Variants in LRBA observed in about 807,000 individuals in gnomAD.
LRBA encodes the protein LPS responsive beige-like anchor protein.
A neutral mutation model predicts 330.0 loss-of-function variants in LRBA; 176 were observed. The observed-to-expected ratio is 0.53, with a 90% confidence interval of 0.47 to 0.60. LRBA has a LOEUF of 0.60. Ranked by LOEUF, LRBA falls within the 20% of genes least tolerant of loss-of-function variation. The pLI, the probability that LRBA is intolerant of heterozygous loss-of-function variation, is 0.00. For synonymous variants in LRBA, 1,230 were observed against 1,193.0 expected (o/e 1.03, Z -0.64); for missense variants, 3,259 against 3,444.8 (o/e 0.95, Z 1.35).
At chr4:150,696,189 A>G (rs1784604118) in intron 36 of LRBA, among the ~76,000 whole-genome samples, 1 of 152,230 alleles carries the variant, frequency 6.6e-6, no homozygotes, top group Admixed American at 6.5e-5. Context: ...TAATCAGGCC[A>G]CTGCATTCCT....
At chr4:150,817,960 A>G (rs566632998) in intron 30 of LRBA, among the ~76,000 whole-genome samples, 1 of 152,236 alleles carries the variant, frequency 6.6e-6, no homozygotes, top group East Asian at 1.9e-4. Flanking sequence ...TCAGTTAATG[A>G]GGTAAAGAGG....
At chr4:150,510,829 C>A (rs778290770) in intron 40 of LRBA, among the ~76,000 whole-genome samples, 11 of 151,948 alleles carry the variant, frequency 7.2e-5, no homozygotes, top group African/African-American at 2.2e-4. Flanking sequence ...CTCTCAAATT[C>A]TTTTATTTTT....
chr4:151,009,368 G>C (rs560630632), intron 2 of LRBA, among the ~76,000 whole-genome samples: 1 of 151,918 alleles, frequency 6.6e-6, no homozygotes, highest in South Asian at 2.1e-4. Flanking sequence ...GGCCAACATG[G>C]TGAAACCCCG....
intron 40 of LRBA, among the ~76,000 whole-genome samples, chr4:150,510,890 C>CT (rs1561284592): frequency 2.0e-5 from 3 of 152,114 alleles, no homozygotes; most frequent in African/African-American, 7.2e-5. Context: ...GAGTCTCACT[C>CT]TGTCGCCCAA....
intron 40 of LRBA, among the ~76,000 whole-genome samples, chr4:150,517,969 C>G (rs1762538267): frequency 6.6e-6 from 1 of 152,172 alleles, no homozygotes; most frequent in South Asian, 2.1e-4. Flanking sequence ...AGTATGACAG[C>G]AAAACTAGCA....
intron 47 of LRBA, among the ~76,000 whole-genome samples, chr4:150,365,062 T>C (rs1300045816): frequency 6.6e-6 from 1 of 151,828 alleles, no homozygotes; most frequent in East Asian, 1.9e-4. Context: ...CTGGCTGGAG[T>C]GCAGTGGTGT....
chr4:150,284,784 C>T (rs1747944073), intron 54 of LRBA, among the ~76,000 whole-genome samples: 1 of 152,162 alleles, frequency 6.6e-6, no homozygotes, highest in Non-Finnish European at 1.5e-5. Flanking sequence ...CCTTAGCCTC[C>T]CAAAATGTTG....
intron 2 of LRBA, among the ~76,000 whole-genome samples, chr4:150,961,570 T>C (rs966474688): frequency 1.0e-4 from 15 of 149,268 alleles, no homozygotes; most frequent in Admixed American, 8.6e-4. Context: ...CTTATTATTT[T>C]TATTAGAAAG....
At chr4:150,435,830 T>A in intron 45 of LRBA, 122 bp from the exon 46 acceptor site, 1 of 552,464 alleles carries the variant, frequency 1.8e-6, no homozygotes, top group Non-Finnish European at 3.1e-6. Flanking sequence ...ATAAACTAGG[T>A]ATATAATGAG....
intron 51 of LRBA, among the ~76,000 whole-genome samples, chr4:150,312,863 G>A (rs1731239088): frequency 6.6e-6 from 1 of 152,008 alleles, no homozygotes; most frequent in South Asian, 2.1e-4. Context: ...TTTCCTAAGT[G>A]AGTAACACTG....
intron 46 of LRBA, among the ~76,000 whole-genome samples, chr4:150,431,761 T>C (rs989341182): frequency 1.3e-5 from 2 of 152,136 alleles, no homozygotes; most frequent in African/African-American, 4.8e-5. Flanking sequence ...TAAGTCTACT[T>C]AGAAAACTGA....
At chr4:150,912,495 C>G (rs943814740) in intron 9 of LRBA, among the ~76,000 whole-genome samples, 2 of 152,212 alleles carry the variant, frequency 1.3e-5, no homozygotes, top group African/African-American at 4.8e-5. Flanking sequence ...CCCACTGATT[C>G]TACATTATGG....
At chr4:150,951,217 T>C (rs1007976537) in intron 2 of LRBA, among the ~76,000 whole-genome samples, 1 of 152,152 alleles carries the variant, frequency 6.6e-6, no homozygotes, top group Non-Finnish European at 1.5e-5. Context: ...ATTCTATCTC[T>C]TACAATGAGA....
intron 22 of LRBA, among the ~76,000 whole-genome samples, chr4:150,867,322 A>G (rs1447275627): frequency 1.3e-5 from 2 of 152,136 alleles, no homozygotes; most frequent in East Asian, 1.9e-4. Flanking sequence ...GTTTGTAAAC[A>G]GGGCTTCCTC....
At chr4:150,351,416 A>G (rs939592140) in intron 47 of LRBA, among the ~76,000 whole-genome samples, 12 of 152,172 alleles carry the variant, frequency 7.9e-5, no homozygotes, top group African/African-American at 2.2e-4. Flanking sequence ...TAGGCCGGGC[A>G]CGGTGGTTCA....
At chr4:150,641,462 T>C (rs1335339485) in intron 37 of LRBA, among the ~76,000 whole-genome samples, 1 of 152,178 alleles carries the variant, frequency 6.6e-6, no homozygotes, top group Non-Finnish European at 1.5e-5. Context: ...CTTCTAAATA[T>C]GTCATGATGG....
rs144593592 is a variant in LRBA at position 150,553,111 on chromosome 4, T to C, written c.6330+34937A>G. ...AAGAAAAAAAAGAAAATGTGGCACA[T>C]ATACACTATGGAATATTATGCAGTC... On this transcript the variant is annotated intron_variant, in intron 40 of 56. Transcript: ENST00000651943. Among the ~76,000 whole-genome samples the C allele has an allele frequency of 4.1e-4, 62 of 151,114 alleles. No homozygotes were observed. The East Asian group carries it at 0.011, about 27-fold the overall frequency.
intron 50 of LRBA, among the ~76,000 whole-genome samples, chr4:150,319,549 CATAA>C (rs1226703941): frequency 1.3e-5 from 2 of 151,936 alleles, no homozygotes; most frequent in Non-Finnish European, 2.9e-5. Flanking sequence ...ATGTTATTTT[CATAA>C]ATATTTACTT....
chr4:150,748,041 C>G (rs1284029670), intron 35 of LRBA, among the ~76,000 whole-genome samples: 1 of 152,128 alleles, frequency 6.6e-6, no homozygotes, highest in South Asian at 2.1e-4. Flanking sequence ...CCCATCACTA[C>G]CTCAGTTTGT....
Sources: allele counts gnomAD v4.1 joint callset (sites outside exome capture counted in the v4.1 genomes callset), GRCh38; gene constraint gnomAD v4.1.1; transcripts MANE v1.5; gene names NCBI Gene and HGNC (gene_info 2026-07-23, HGNC 2026-07-21).